The following KPNA1 variants were observed in gnomAD, a reference collection of about 807,000 sequenced individuals.
KPNA1 encodes the protein importin subunit alpha-5.
KPNA1 carries 10 observed loss-of-function variants against 70.5 expected under a neutral mutation model. The observed-to-expected ratio is 0.14, with a 90% CI of 0.09 to 0.24. The LOEUF (loss-of-function observed/expected upper bound fraction) is 0.24, where lower values mean the gene tolerates loss of function less well. KPNA1 is among the 10% of genes least tolerant of loss of function. The pLI, the probability that KPNA1 is intolerant of heterozygous loss-of-function variation, is 1.00. For synonymous variants in KPNA1, 192 were observed against 221.9 expected, an observed-to-expected ratio of 0.87 and a Z score of 1.20; for missense variants, 397 against 637.9, an observed-to-expected ratio of 0.62 and a Z score of 4.07.
At chr3:122,460,704 T>C in intron 5 of KPNA1, 1 of 933,120 alleles carries the variant, frequency 1.1e-6, no homozygotes, top group South Asian at 4.9e-5. Context: ...CCTCTTGGAA[T>C]CCCTTATATA....
intron 1 of KPNA1, among the ~76,000 whole-genome samples, chr3:122,507,314 G>A (rs1474881664): frequency 1.3e-5 from 2 of 151,782 alleles, no homozygotes; most frequent in African/African-American, 2.4e-5. Flanking sequence ...GGTGGCGGGC[G>A]CTTGCAATCC....
chr3:122,507,453 A>G (rs1486471609), intron 1 of KPNA1, among the ~76,000 whole-genome samples: 1 of 151,764 alleles, frequency 6.6e-6, no homozygotes, highest in African/African-American at 2.4e-5. Context: ...AAAAAAAAAA[A>G]AAGAAAAGAG....
At chr3:122,457,761 C>G in intron 5 of KPNA1, 1 of 1,289,742 alleles carries the variant, frequency 7.8e-7, no homozygotes, top group East Asian at 5.6e-5. Context: ...TTGAGGTACG[C>G]CTGGTTCCCT....
At chr3:122,466,938 T>G (rs1179620041) in intron 3 of KPNA1, among the ~76,000 whole-genome samples, 1 of 151,634 alleles carries the variant, frequency 6.6e-6, no homozygotes, top group Non-Finnish European at 1.5e-5. Flanking sequence ...GAGTTCGAGG[T>G]TGCAGTGACC....
At chr3:122,497,844 T>C (rs1359020988) in intron 1 of KPNA1, among the ~76,000 whole-genome samples, 1 of 152,232 alleles carries the variant, frequency 6.6e-6, no homozygotes, top group African/African-American at 2.4e-5. Context: ...GCTTTTCAAA[T>C]ATAATCTATA....
At chr3:122,455,165 A>G (rs989588990) in intron 5 of KPNA1, among the ~76,000 whole-genome samples, 5 of 152,238 alleles carry the variant, frequency 3.3e-5, no homozygotes, top group African/African-American at 1.2e-4. Flanking sequence ...AACTAAATTC[A>G]TTAATCTTTG....
At chr3:122,464,418 A>G (rs1326170268) in intron 3 of KPNA1, among the ~76,000 whole-genome samples, 1 of 152,172 alleles carries the variant, frequency 6.6e-6, no homozygotes, top group African/African-American at 2.4e-5. Context: ...CTATCACAGC[A>G]CCATATTTCA....
intron 6 of KPNA1, among the ~76,000 whole-genome samples, chr3:122,453,581 G>A (rs558200791): frequency 1.4e-4 from 21 of 151,966 alleles, no homozygotes; most frequent in Middle Eastern, 3.4e-3. Flanking sequence ...TCGTCACCCA[G>A]GCTGGAGTGC....
At position 122,471,564 on chromosome 3, in the gene KPNA1, A is replaced by C. The variant is rs1417098032; in HGVS notation, c.130-4135T>G. Among the ~76,000 whole-genome samples, 3 of 152,106 alleles carry C rather than the reference A, an allele frequency of 2.0e-5. No individual in the cohort carries two copies. The East Asian group carries it at 5.8e-4, about 29-fold the overall frequency. Reference sequence around the variant, plus strand: ...CAATTAAAAGAAAGCGGAGTTGGCCAGACGTGGTGACTCATGCCTGTAATC... The same window carrying C: ...CAATTAAAAGAAAGCGGAGTTGGCCCGACGTGGTGACTCATGCCTGTAATC... On this transcript the variant is annotated intron_variant, in intron 2 of 13. Coordinates refer to ENST00000344337, the MANE Select transcript of KPNA1 (RefSeq NM_002264.4).
chr3:122,467,707 G>A (rs981113826), intron 2 of KPNA1, among the ~76,000 whole-genome samples: 25 of 151,596 alleles, frequency 1.6e-4, no homozygotes, highest in African/African-American at 6.1e-4. Context: ...AAAAAAGGTT[G>A]GAAAAAGGAG....
intron 1 of KPNA1, among the ~76,000 whole-genome samples, chr3:122,511,323 G>A (rs2076952655): frequency 6.6e-6 from 1 of 152,084 alleles, no homozygotes; most frequent in Non-Finnish European, 1.5e-5. Context: ...AAACAATCAT[G>A]ATGAGTAAGC....
chr3:122,503,179 G>C (rs1338542202), intron 1 of KPNA1, among the ~76,000 whole-genome samples: 1 of 152,030 alleles, frequency 6.6e-6, no homozygotes, highest in African/African-American at 2.4e-5. Context: ...TTAGACTTAA[G>C]GAAGTAACTT....
chr3:122,426,715 T>G lies in KPNA1; in HGVS notation c.*270A>C. On this transcript the variant is annotated 3_prime_UTR_variant, in exon 14 of 14. Coordinates refer to ENST00000344337, the MANE Select transcript of KPNA1 (RefSeq NM_002264.4). ...TATGTGTATATTCCCATAACTCTAA[T>G]GTAAGTGCGGATCTCCAAAGCCTAG... The G allele has an allele frequency of 2.9e-6, 1 of 345,650 alleles. No individual in the cohort carries two copies. Among genetic ancestry groups the G allele is most frequent in the East Asian group, 4.7e-5 (1 of 21,490 alleles). 21.4% of individuals were successfully genotyped at this position (345,650 alleles called of 1,614,324 possible).
At chr3:122,495,828 A>G (rs2076753907) in intron 2 of KPNA1, among the ~76,000 whole-genome samples, 1 of 146,306 alleles carries the variant, frequency 6.8e-6, no homozygotes, top group Non-Finnish European at 1.5e-5. Flanking sequence ...AGGAAGGCTT[A>G]AAAAAAAAAA....
intron 5 of KPNA1, among the ~76,000 whole-genome samples, chr3:122,456,733 G>A (rs939487230): frequency 6.6e-6 from 1 of 152,170 alleles, no homozygotes. Flanking sequence ...TAACATGCCA[G>A]TTATGCTTAT....
rs547922201 is a variant in KPNA1, at chr3:122,504,910, T to A, written c.-5-8340A>T. Among the ~76,000 whole-genome samples, 5 of 147,126 alleles carry A rather than the reference T, an allele frequency of 3.4e-5. No individual in the cohort carries two copies. In the South Asian group the frequency reaches 8.3e-4, roughly 24 times the overall value. ...TTACATTTGTTCTGTTGGGAGAGAC[T>A]CTTTTTTTTTTTAAACACAAGCCTC... On this transcript the variant is annotated intron_variant, in intron 1 of 13. Transcript: ENST00000344337.
At chr3:122,492,732 T>C (rs1017016446) in intron 2 of KPNA1, among the ~76,000 whole-genome samples, 9 of 152,194 alleles carry the variant, frequency 5.9e-5, no homozygotes, top group Non-Finnish European at 2.9e-5. Flanking sequence ...GAGACTCAAC[T>C]CAGAGCCTCA....
intron 2 of KPNA1, 102 bp downstream of exon 2, chr3:122,496,335 C>CAG: frequency 1.0e-6 from 1 of 982,216 alleles, no homozygotes; most frequent in Non-Finnish European, 1.5e-6. Context: ...CACACACACA[C>CAG]ACACACACAC....
chr3:122,460,849 C>T (rs998486756), intron 5 of KPNA1, among the ~76,000 whole-genome samples: 3 of 152,028 alleles, frequency 2.0e-5, no homozygotes, highest in Non-Finnish European at 4.4e-5. Context: ...AGACTCTGAT[C>T]TAGCCCATGT....
Sources: gnomAD v4.1 joint callset for allele counts (sites outside exome capture counted in the v4.1 genomes callset) on GRCh38, gnomAD v4.1.1 for gene constraint, MANE v1.5 for transcripts, NCBI Gene and HGNC (gene_info 2026-07-23, HGNC 2026-07-21) for gene names.